Variants in DCAF8L2 observed in about 807,000 individuals in gnomAD.
DCAF8L2 encodes the protein DDB1 and CUL4 associated factor 8 like 2.
For missense variants in DCAF8L2, 430 were observed against 490.7 expected (o/e 0.88, Z 1.17); for synonymous variants, 200 against 190.9 (o/e 1.05, Z -0.39).
intron 4 of DCAF8L2, among the ~76,000 whole-genome samples, chrX:27,716,815 C>A (rs941873056): frequency 3.6e-5 from 4 of 111,855 alleles, no homozygotes; most frequent in African/African-American, 1.3e-4. Context: ...TGGTTTACTG[C>A]ATCTATCAAC....
intron 2 of DCAF8L2, among the ~76,000 whole-genome samples, chrX:27,641,373 A>G (rs1233296697): frequency 9.0e-6 from 1 of 110,998 alleles, no homozygotes; most frequent in South Asian, 3.7e-4. Flanking sequence ...TTTTTCAGTA[A>G]TTTAAAGATA....
At chrX:27,583,427 C>T in the DCAF8L2 span, among the ~76,000 whole-genome samples, 1 of 111,329 alleles carries the variant, frequency 9.0e-6, no homozygotes, top group African/African-American at 3.3e-5. Flanking sequence ...TGTTTAGAAA[C>T]CAAGATCTGG....
intron 3 of DCAF8L2, among the ~76,000 whole-genome samples, chrX:27,680,056 A>T (rs748151946): frequency 8.9e-6 from 1 of 111,856 alleles, no homozygotes; most frequent in South Asian, 3.8e-4. Context: ...GGGTAGTAAA[A>T]AAACTATCTC....
At chrX:27,614,458 T>G (rs1006662209) in intron 1 of DCAF8L2, among the ~76,000 whole-genome samples, 161 of 111,707 alleles carry the variant, frequency 1.4e-3, no homozygotes, top group Middle Eastern at 4.6e-3. Flanking sequence ...CTCCTTCAGT[T>G]CTGCTCTGAT....
chrX:27,469,772 T>C, the DCAF8L2 span, among the ~76,000 whole-genome samples: 1 of 107,996 alleles, frequency 9.3e-6, no homozygotes, highest in Non-Finnish European at 1.9e-5. Context: ...TCTGCTATCA[T>C]TTTCTCTTTT....
At chrX:27,541,837 C>G in the DCAF8L2 span, among the ~76,000 whole-genome samples, 1 of 111,178 alleles carries the variant, frequency 9.0e-6, no homozygotes, top group Non-Finnish European at 1.9e-5. Flanking sequence ...GTCCCTGCCT[C>G]CCTCCTTCTC....
chrX:27,474,236 A>C, the DCAF8L2 span, among the ~76,000 whole-genome samples: 1 of 112,413 alleles, frequency 8.9e-6, no homozygotes, highest in South Asian at 3.6e-4. Context: ...TAAAAAGTAC[A>C]TTGCAAAAAG....
At chrX:27,581,008 T>A in the DCAF8L2 span, among the ~76,000 whole-genome samples, 1 of 112,257 alleles carries the variant, frequency 8.9e-6, no homozygotes, top group Non-Finnish European at 1.9e-5. Flanking sequence ...CAATGTGTAA[T>A]CAATATAAAA....
At chrX:27,566,273 T>TAGAAA in the DCAF8L2 span, among the ~76,000 whole-genome samples, 6 of 111,498 alleles carry the variant, frequency 5.4e-5, no homozygotes, top group Non-Finnish European at 1.1e-4. Flanking sequence ...GCTTGCAGCT[T>TAGAAA]GAGTTTTCAG....
chrX:27,516,774 G>T, the DCAF8L2 span, among the ~76,000 whole-genome samples: 1 of 111,895 alleles, frequency 8.9e-6, no homozygotes, highest in African/African-American at 3.2e-5. Context: ...GTCATCAGAG[G>T]TGTAGTAGTG....
At chrX:27,669,472 A>ATTTATTTATTTT (rs1555926041) in intron 2 of DCAF8L2, among the ~76,000 whole-genome samples, 17 of 108,615 alleles carry the variant, frequency 1.6e-4, no homozygotes, top group African/African-American at 5.4e-4. Flanking sequence ...TTATTTATTT[A>ATTTATTTATTTT]TTTATTTTTT....
chrX:27,498,871 C>CTAG, the DCAF8L2 span, among the ~76,000 whole-genome samples: 2 of 111,949 alleles, frequency 1.8e-5, no homozygotes, highest in South Asian at 7.4e-4. Context: ...GTTGTCACAA[C>CTAG]TAGCAGGATT....
the DCAF8L2 span, among the ~76,000 whole-genome samples, chrX:27,547,885 C>T: frequency 6.1e-4 from 33 of 54,293 alleles, no homozygotes; most frequent in East Asian, 6.5e-3. Context: ...CTCTCTCTCT[C>T]TCTCTTTCTC....
rs142335607 is a variant in DCAF8L2, at chrX:27,676,163, T to A, written c.-219-1673T>A. Among the ~76,000 whole-genome samples the A allele has an allele frequency of 4.2e-3, 470 of 111,417 alleles. 2 individuals carry two copies. Among genetic ancestry groups the A allele is most frequent in the African/African-American group, 0.014 (429 of 30,708 alleles). On this transcript the variant is annotated intron_variant, in intron 2 of 4. Coordinates refer to ENST00000451261, the MANE Select transcript of DCAF8L2 (RefSeq NM_001353450.2). Reference sequence around the variant, plus strand: ...TGAAGTCTCCCCTGTAATACCACAATTGAGTACTCTGTATCTCTTTGTAGG... The same window carrying A: ...TGAAGTCTCCCCTGTAATACCACAAATGAGTACTCTGTATCTCTTTGTAGG...
chrX:27,583,319 G>C, the DCAF8L2 span, among the ~76,000 whole-genome samples: 1 of 111,626 alleles, frequency 9.0e-6, no homozygotes, highest in Non-Finnish European at 1.9e-5. Flanking sequence ...ACTTCATAAT[G>C]TCACAAGATT....
chrX:27,689,989 G>A (rs1007238491), intron 3 of DCAF8L2, among the ~76,000 whole-genome samples: 7 of 111,381 alleles, frequency 6.3e-5, no homozygotes, highest in African/African-American at 2.0e-4. Flanking sequence ...TAAAAGTAAA[G>A]AAAACATATA....
intron 4 of DCAF8L2, among the ~76,000 whole-genome samples, chrX:27,725,373 T>C (rs894722502): frequency 4.5e-5 from 5 of 111,016 alleles, no homozygotes; most frequent in African/African-American, 1.6e-4. Flanking sequence ...TAAGATAGAC[T>C]CTTAGCTCAG....
intron 2 of DCAF8L2, among the ~76,000 whole-genome samples, chrX:27,636,457 A>C (rs931792048): frequency 8.9e-6 from 1 of 112,269 alleles, no homozygotes; most frequent in South Asian, 3.7e-4. Flanking sequence ...GTGTTTATTC[A>C]TTCATTTATG....
chrX:27,650,403 A>G (rs763790183), intron 2 of DCAF8L2, among the ~76,000 whole-genome samples: 89 of 112,217 alleles, frequency 7.9e-4, no homozygotes, highest in Non-Finnish European at 1.4e-3. Flanking sequence ...GGCCATTTAA[A>G]TGATATTGAT....
Sources: allele counts gnomAD v4.1 joint callset (sites outside exome capture counted in the v4.1 genomes callset), GRCh38; gene constraint gnomAD v4.1.1; transcripts MANE v1.5; gene names NCBI Gene and HGNC (gene_info 2026-07-23, HGNC 2026-07-21).